The following BAIAP2 variants were observed in gnomAD, a reference collection of about 807,000 sequenced individuals.
BAIAP2 encodes the protein BAR/IMD domain containing adaptor protein 2.
BAIAP2 carries 18 observed loss-of-function variants against 63.0 expected under a neutral mutation model. The ratio of observed to expected loss-of-function variants is 0.29; its 90% CI spans 0.20 to 0.42. BAIAP2 has a LOEUF of 0.42. Among genes scored for constraint, BAIAP2 ranks in the 10% least tolerant of loss-of-function variants. BAIAP2 has a pLI of 1.00. For missense variants in BAIAP2, 610 were observed against 734.3 expected (o/e 0.83, Z 1.96); for synonymous variants, 386 against 307.6 (o/e 1.25, Z -2.67).
At chr17:81,109,138 G>A in intron 13 of BAIAP2, 1 of 1,449,336 alleles carries the variant, frequency 6.9e-7, no homozygotes, top group Non-Finnish European at 9.1e-7. Context: ...TTTGGTTGGT[G>A]ACCCCAGACT....
At chr17:81,045,390 A>C (rs894263348) in intron 1 of BAIAP2, among the ~76,000 whole-genome samples, 4 of 151,976 alleles carry the variant, frequency 2.6e-5, no homozygotes, top group Non-Finnish European at 5.9e-5. Context: ...AGCTGACCTT[A>C]GTGTTGGCAT....
At chr17:81,114,671 G>A (rs116698756) in intron 13 of BAIAP2, among the ~76,000 whole-genome samples, 2 of 152,210 alleles carry the variant, frequency 1.3e-5, no homozygotes, top group South Asian at 2.1e-4. Flanking sequence ...CAAGTTCTTA[G>A]AAAACACAAA....
chr17:81,049,606 C>T (rs1170351999), intron 1 of BAIAP2, among the ~76,000 whole-genome samples: 2 of 152,242 alleles, frequency 1.3e-5, no homozygotes, highest in African/African-American at 4.8e-5. Flanking sequence ...TTCCTGGTGG[C>T]ATCCTGCAAA....
At chr17:81,057,534 C>T (rs72634319) in intron 2 of BAIAP2, 7 of 702,156 alleles carry the variant, frequency 1.0e-5, no homozygotes, top group Non-Finnish European at 1.2e-5. Flanking sequence ...AGGGTTGGTT[C>T]TTTGTCTCAT....
chr17:81,053,424 G>C, intron 1 of BAIAP2: 1 of 542,490 alleles, frequency 1.8e-6, no homozygotes, highest in Non-Finnish European at 3.3e-6. Context: ...ACTCCTCTGC[G>C]GCCGGGTTTC....
At chr17:81,080,936 C>T (rs915942013) in intron 3 of BAIAP2, among the ~76,000 whole-genome samples, 5 of 152,248 alleles carry the variant, frequency 3.3e-5, no homozygotes, top group Non-Finnish European at 7.3e-5. Flanking sequence ...TCTTTGTGAA[C>T]TTGCTGGCCC....
chr17:81,046,144 G>A lies in BAIAP2; in HGVS notation c.55-7524G>A, dbSNP rs1031223809. Among the ~76,000 whole-genome samples, 1 of 152,126 alleles carries A rather than the reference G, an allele frequency of 6.6e-6. No homozygotes were observed. The highest frequency in any genetic ancestry group is 1.5e-5 in the Non-Finnish European group (1 of 67,998). On this transcript the variant is annotated intron_variant, in intron 1 of 13. Coordinates refer to ENST00000428708, the MANE Select transcript of BAIAP2 (RefSeq NM_001144888.2). The surrounding 1 kb of genome is among the most constrained non-coding windows in gnomAD (Gnocchi z 4.5). The stretch of plus-strand genomic sequence containing the variant: ...GCTGCAGGGGGTAAGGAGGAGGATG[G>A]TGTCTCTGCCTGGTTTGTCACCGTC...
intron 13 of BAIAP2, among the ~76,000 whole-genome samples, chr17:81,111,978 C>T (rs2059978899): frequency 6.6e-6 from 1 of 152,258 alleles, no homozygotes; most frequent in Admixed American, 6.5e-5. Context: ...ATGGATCTGT[C>T]TTCTTTCACT....
chr17:81,082,574 C>T (rs72634324), intron 3 of BAIAP2, among the ~76,000 whole-genome samples: 34,180 of 152,206 alleles, frequency 0.22, 4,281 homozygotes, highest in East Asian at 0.49. Flanking sequence ...AGGCCTAGCA[C>T]TACTTTTAGC....
chr17:81,072,701 C>A (rs143871580), intron 3 of BAIAP2, among the ~76,000 whole-genome samples: 1 of 152,134 alleles, frequency 6.6e-6, no homozygotes, highest in Non-Finnish European at 1.5e-5. Flanking sequence ...CACAGGCGGG[C>A]GGACGCTGTC....
chr17:81,045,220 G>A (rs1010955656), intron 1 of BAIAP2, among the ~76,000 whole-genome samples: 1 of 152,204 alleles, frequency 6.6e-6, no homozygotes, highest in African/African-American at 2.4e-5. Flanking sequence ...GGACGCCAGG[G>A]GAAAGCTCGC....
intron 3 of BAIAP2, among the ~76,000 whole-genome samples, chr17:81,084,473 G>A (rs757276258): frequency 1.3e-5 from 2 of 152,140 alleles, no homozygotes; most frequent in Non-Finnish European, 2.9e-5. Context: ...TTGGGTCTCT[G>A]CGAACGACAG....
Position 81,116,457 on chromosome 17 carries a change from G to GA in BAIAP2, c.*618_*619insA. 7 of 1,030,480 alleles carry GA rather than the reference G, an allele frequency of 6.8e-6. No individual in the cohort carries two copies. Among genetic ancestry groups the GA allele is most frequent in the Non-Finnish European group, 9.7e-6 (7 of 720,886 alleles). 63.8% of individuals were successfully genotyped at this position (1,030,480 alleles called of 1,614,324 possible). A position where few individuals can be genotyped will look rare whatever the true frequency, so the allele number is the denominator to read the frequency against. ...GGCCTCCCCAGGCCCCTCCTGCCTC[G>GA]GGCAGGCCCCAGCCCTCCTCCTTAC... On this transcript the variant is annotated 3_prime_UTR_variant, in exon 14 of 14. Transcript: ENST00000428708.
chr17:81,061,713 A>T (rs986333266), intron 3 of BAIAP2, among the ~76,000 whole-genome samples: 1 of 151,912 alleles, frequency 6.6e-6, no homozygotes, highest in Non-Finnish European at 1.5e-5. Flanking sequence ...GGCGTTCCTA[A>T]ATTTTCATTT....
At position 81,104,643 on chromosome 17, in the gene BAIAP2, G is replaced by C. The variant is rs1444210178; in HGVS notation, c.1196G>C (p.Gly399Ala). ...AGCACCCTCCTGAGCTTCAAGGAGG[G>C]TGACCTCATTACCCTGCTGGTGCCT... is the stretch of plus-strand genomic sequence containing the variant. ...DNSTLLSFKEGDLITLLVPEA... is the reference protein window; with the variant it reads ...DNSTLLSFKEADLITLLVPEA... Residue 399 changes from glycine (G) to alanine (A), a missense_variant, in exon 10 of 14, where the codon GGT (glycine) becomes GCT (alanine). Coordinates refer to ENST00000428708, the MANE Select transcript of BAIAP2 (RefSeq NM_001144888.2). 1 of 1,610,486 alleles carries C rather than the reference G, an allele frequency of 6.2e-7. No individual in the cohort carries two copies. The highest frequency in any genetic ancestry group is 1.1e-5 in the South Asian group (1 of 90,628).
At chr17:81,035,962 GGA>G (rs1391205992) in intron 1 of BAIAP2, 7 of 152,228 alleles carry the variant, frequency 4.6e-5, no homozygotes, top group Non-Finnish European at 1.0e-4. Flanking sequence ...ATGTAACCGC[GGA>G]GAGAGAAGAC....
At chr17:81,089,958 C>T (rs2056428939) in intron 6 of BAIAP2, among the ~76,000 whole-genome samples, 1 of 152,190 alleles carries the variant, frequency 6.6e-6, no homozygotes, top group African/African-American at 2.4e-5. Context: ...TCCCAGGGCC[C>T]CTCCTGGGAG....
At chr17:81,065,260 G>T (rs1045976402) in intron 3 of BAIAP2, among the ~76,000 whole-genome samples, 6 of 152,224 alleles carry the variant, frequency 3.9e-5, no homozygotes, top group African/African-American at 1.4e-4. Flanking sequence ...GTGACCCGAG[G>T]GAGGGCGGGC....
Position 81,104,508 on chromosome 17 carries a change from C to T in BAIAP2, c.1067-6C>T, listed in dbSNP as rs996606094. 3.2e-6 allele frequency: 5 copies of T among 1,586,154 alleles called. No homozygotes were observed. Among genetic ancestry groups the T allele is most frequent in the Admixed American group, 3.4e-5 (2 of 59,322 alleles). On this transcript the variant is annotated splice_polypyrimidine_tract_variant and splice_region_variant and intron_variant, in intron 9 of 13. Coordinates refer to ENST00000428708, the MANE Select transcript of BAIAP2 (RefSeq NM_001144888.2). ...CAGTCCCCTTACCTGTCCCTTGTCC[C>T]AGCAGCCGAGAACAAGACTCTGCCT...
Sources: gnomAD v4.1 joint callset for allele counts (sites outside exome capture counted in the v4.1 genomes callset) on GRCh38, gnomAD v4.1.1 for gene constraint, Gnocchi (gnomAD v3.1) non-coding constraint, MANE v1.5 for transcripts, NCBI Gene and HGNC (gene_info 2026-07-23, HGNC 2026-07-21) for gene names.